The following SBF2 variants were observed in gnomAD, a reference collection of about 807,000 sequenced individuals.
SBF2 encodes myotubularin-related protein 13.
Under a neutral mutation model 225.2 loss-of-function variants are expected in SBF2, and 112 were observed. The observed-to-expected ratio is 0.50, with a 90% CI of 0.43 to 0.58. The LOEUF (loss-of-function observed/expected upper bound fraction) is 0.58, where lower values mean the gene tolerates loss of function less well. SBF2 is among the 20% of genes least tolerant of loss of function. The pLI is 0.00. For synonymous variants in SBF2, 763 were observed against 773.3 expected (o/e 0.99, Z 0.22); for missense variants, 1,996 against 2,206.2 (o/e 0.90, Z 1.91).
chr11:9,818,401 T>C (rs1302750414), intron 28 of SBF2, among the ~76,000 whole-genome samples: 1 of 152,242 alleles, frequency 6.6e-6, no homozygotes, highest in East Asian at 1.9e-4. Context: ...AGGCATGTAC[T>C]AATTCTCAAA....
Position 9,996,097 on chromosome 11 carries a change from T to TG in SBF2, c.976-2100dup, listed in dbSNP as rs558051885. Among the ~76,000 whole-genome samples the TG allele has an allele frequency of 1.8e-4, 28 of 152,322 alleles. No individual in the cohort carries two copies. In the South Asian group the frequency reaches 5.8e-3, roughly 32 times the overall value. ...TGATCAAATTTGGTGGCACGGGTGT[T>TG]GCAGGTTTAGGTATACGAGTATGCA... On this transcript the variant is annotated intron_variant, in intron 9 of 39. Coordinates refer to ENST00000256190, the MANE Select transcript of SBF2 (RefSeq NM_030962.4).
intron 16 of SBF2, among the ~76,000 whole-genome samples, chr11:9,904,957 G>A (rs1862009091): frequency 6.6e-6 from 1 of 152,236 alleles, no homozygotes; most frequent in Non-Finnish European, 1.5e-5. Flanking sequence ...AGCAGGTGGA[G>A]GCTACAGTGA....
At chr11:10,014,967 T>C (rs1948596757) in intron 6 of SBF2, among the ~76,000 whole-genome samples, 1 of 151,770 alleles carries the variant, frequency 6.6e-6, no homozygotes, top group Non-Finnish European at 1.5e-5. Context: ...CCGTCTTTAC[T>C]AAAAAATACA....
chr11:10,278,117 C>A (rs1963109449), intron 1 of SBF2, among the ~76,000 whole-genome samples: 1 of 152,180 alleles, frequency 6.6e-6, no homozygotes, highest in Non-Finnish European at 1.5e-5. Context: ...TGTTCCTATA[C>A]TCTAGATCAA....
intron 6 of SBF2, among the ~76,000 whole-genome samples, chr11:10,015,527 T>C (rs1250900871): frequency 2.0e-5 from 3 of 152,212 alleles, no homozygotes; most frequent in Admixed American, 6.5e-5. Context: ...ACTCTGAAGG[T>C]AAATCTTTTG....
chr11:10,134,831 T>C (rs999235695), intron 2 of SBF2, among the ~76,000 whole-genome samples: 2 of 152,144 alleles, frequency 1.3e-5, no homozygotes, highest in East Asian at 3.8e-4. Flanking sequence ...CTGTGGCTTT[T>C]CCAGGCACAC....
chr11:9,964,392 G>C (rs563035732), intron 14 of SBF2, among the ~76,000 whole-genome samples: 117 of 152,284 alleles, frequency 7.7e-4, no homozygotes, highest in African/African-American at 2.6e-3. Context: ...TAATTTCACA[G>C]GGTAGATTCT....
intron 2 of SBF2, among the ~76,000 whole-genome samples, chr11:10,153,769 G>T (rs1012465240): frequency 6.6e-6 from 1 of 152,004 alleles, no homozygotes; most frequent in Non-Finnish European, 1.5e-5. Context: ...AGATTGATCA[G>T]GGAAAAAAGA....
chr11:9,816,540 G>A (rs1854466686), intron 29 of SBF2, among the ~76,000 whole-genome samples: 1 of 152,000 alleles, frequency 6.6e-6, no homozygotes, highest in African/African-American at 2.4e-5. Flanking sequence ...GCCTGATGAA[G>A]CCTTATTCCT....
At chr11:10,253,065 T>G (rs1414943597) in intron 1 of SBF2, among the ~76,000 whole-genome samples, 1 of 125,314 alleles carries the variant, frequency 8.0e-6, no homozygotes, top group Admixed American at 1.1e-4. Context: ...AGTTTTAACA[T>G]GGGAAAAACA....
chr11:10,206,728 G>C (rs112877922), intron 1 of SBF2, among the ~76,000 whole-genome samples: 89 of 152,174 alleles, frequency 5.8e-4, no homozygotes, highest in African/African-American at 2.1e-3. Context: ...TTCAATAGTA[G>C]AGTGAAAATG....
intron 28 of SBF2, chr11:9,828,618 T>C (rs965723822): frequency 1.0e-6 from 1 of 985,294 alleles, no homozygotes; most frequent in African/African-American, 1.7e-5. Context: ...CCTTTGGGGT[T>C]CCATCACATG....
intron 17 of SBF2, among the ~76,000 whole-genome samples, chr11:9,869,078 T>C (rs973755575): frequency 6.6e-6 from 1 of 152,240 alleles, no homozygotes; most frequent in African/African-American, 2.4e-5. Flanking sequence ...ACCACAGGCA[T>C]AGCCTGTATT....
At chr11:9,790,901 A>G (rs774362927) in intron 33 of SBF2, 2 of 440,120 alleles carry the variant, frequency 4.5e-6, no homozygotes, top group Non-Finnish European at 8.2e-6. Flanking sequence ...AACATCTGAT[A>G]AAGTTTGCCT....
chr11:10,072,914 C>T lies in SBF2; in HGVS notation c.142-29933G>A, dbSNP rs573189804. Among the ~76,000 whole-genome samples the T allele has an allele frequency of 1.3e-4, 20 of 148,452 alleles. No individual in the cohort carries two copies. In the East Asian group the frequency reaches 1.4e-3, roughly 10 times the overall value. ...TAATTATTATTATTATTATTATTAT[C>T]ATCATCATCATCATCATTATTTTTG... On this transcript the variant is annotated intron_variant, in intron 2 of 39. Transcript: ENST00000256190.
At chr11:9,898,721 T>C (rs547526536) in intron 16 of SBF2, among the ~76,000 whole-genome samples, 26 of 152,316 alleles carry the variant, frequency 1.7e-4, no homozygotes, top group African/African-American at 6.0e-4. Context: ...CATTCTCATA[T>C]GGCTCACATT....
At chr11:10,049,356 C>T (rs1226200522) in intron 2 of SBF2, among the ~76,000 whole-genome samples, 2 of 152,100 alleles carry the variant, frequency 1.3e-5, no homozygotes, top group Non-Finnish European at 2.9e-5. Flanking sequence ...CCTGTAACCC[C>T]AGCACTTTGG....
intron 22 of SBF2, 92 bp from the exon 23 acceptor site, chr11:9,847,175 A>T: frequency 6.7e-7 from 1 of 1,500,038 alleles, no homozygotes. Context: ...CTGCTAGAGA[A>T]ATGTATTTGA....
intron 17 of SBF2, among the ~76,000 whole-genome samples, chr11:9,874,909 T>C (rs755984302): frequency 6.6e-6 from 1 of 152,222 alleles, no homozygotes; most frequent in Non-Finnish European, 1.5e-5. Context: ...AAATGTTATA[T>C]GAAGAGAAAG....
Sources: allele counts gnomAD v4.1 joint callset (sites outside exome capture counted in the v4.1 genomes callset), GRCh38; gene constraint gnomAD v4.1.1; transcripts MANE v1.5; gene names NCBI Gene and HGNC (gene_info 2026-07-23, HGNC 2026-07-21).